MGMT: variants seen among roughly 807,000 people sequenced by gnomAD.
MGMT encodes the protein O-6-methylguanine-DNA methyltransferase, also known as methylated-DNA--protein-cysteine methyltransferase.
A neutral mutation model predicts 15.9 loss-of-function variants in MGMT; 14 were observed. The ratio of observed to expected loss-of-function variants is 0.88; its 90% CI spans 0.58 to 1.37. The LOEUF (loss-of-function observed/expected upper bound fraction) is 1.37. Among genes scored for constraint, MGMT ranks in the 40% most tolerant of loss-of-function variants. The pLI, the probability that MGMT is intolerant of heterozygous loss-of-function variation, is 0.00. For missense variants in MGMT, 282 were observed against 268.1 expected (o/e 1.05, Z -0.36); for synonymous variants, 130 against 118.2 (o/e 1.10, Z -0.65).
chr10:129,722,311 GATT>G (rs1260720902), intron 3 of MGMT, among the ~76,000 whole-genome samples: 1 of 152,116 alleles, frequency 6.6e-6, no homozygotes, highest in African/African-American at 2.4e-5. Context: ...CATTATTAAA[GATT>G]ATTATTTAAA....
chr10:129,594,651 G>A (rs780974680), intron 2 of MGMT, among the ~76,000 whole-genome samples: 6 of 152,278 alleles, frequency 3.9e-5, no homozygotes, highest in East Asian at 1.9e-4. Context: ...CAGCTCCAGC[G>A]CGTGAAAGAC....
chr10:129,710,531 A>G (rs978666189), intron 3 of MGMT, among the ~76,000 whole-genome samples: 4 of 152,124 alleles, frequency 2.6e-5, no homozygotes, highest in Non-Finnish European at 5.9e-5. Context: ...ATTTAGCTCA[A>G]TCGTTTACTC....
In MGMT at chr10:129,502,785, A is replaced by ATT. The variant is rs60631849; in HGVS notation, c.-12-33448_-12-33447dup. Reference sequence around the variant, plus strand: ...ATTCTTTTCCTTAAAATCAAGTTACATTTTTTTTTGAGCAATAAACTTTAG... The same window carrying ATT: ...ATTCTTTTCCTTAAAATCAAGTTACATTTTTTTTTTTGAGCAATAAACTTTAG... On this transcript the variant is annotated intron_variant, in intron 1 of 4. Coordinates refer to ENST00000651593, the MANE Select transcript of MGMT (RefSeq NM_002412.5). Among the ~76,000 whole-genome samples, 93 of 151,254 alleles carry ATT rather than the reference A, an allele frequency of 6.1e-4. 1 individual carries two copies. The East Asian group carries it at 0.014, about 23-fold the overall frequency.
chr10:129,597,520 A>G (rs148225310), intron 2 of MGMT, among the ~76,000 whole-genome samples: 2 of 152,308 alleles, frequency 1.3e-5, no homozygotes, highest in African/African-American at 2.4e-5. Context: ...CATGTTTAGG[A>G]AATCTTTGAG....
intron 2 of MGMT, among the ~76,000 whole-genome samples, chr10:129,586,995 A>T (rs770242903): frequency 2.0e-5 from 3 of 152,230 alleles, no homozygotes; most frequent in African/African-American, 7.2e-5. Flanking sequence ...TATTTAAAAG[A>T]TATTTTTGCT....
chr10:129,736,924 G>T (rs947932650), intron 3 of MGMT, among the ~76,000 whole-genome samples: 3 of 152,238 alleles, frequency 2.0e-5, no homozygotes, highest in Admixed American at 2.0e-4. Context: ...TCTGCCAAGA[G>T]ATCTGCTGTT....
At chr10:129,471,480 G>A (rs1845230504) in intron 1 of MGMT, among the ~76,000 whole-genome samples, 1 of 152,036 alleles carries the variant, frequency 6.6e-6, no homozygotes, top group East Asian at 1.9e-4. Context: ...GGGATATCAT[G>A]TTCAGGTGTC....
intron 2 of MGMT, among the ~76,000 whole-genome samples, chr10:129,555,602 C>G (rs937911723): frequency 6.6e-6 from 1 of 152,062 alleles, no homozygotes; most frequent in East Asian, 1.9e-4. Flanking sequence ...GCAGTGTCAG[C>G]TACTCAGGAG....
intron 1 of MGMT, among the ~76,000 whole-genome samples, chr10:129,484,571 G>A (rs574263447): frequency 1.3e-5 from 2 of 152,040 alleles, no homozygotes; most frequent in East Asian, 1.9e-4. Context: ...CTTGTTTTAC[G>A]CATCTCTACT....
intron 1 of MGMT, among the ~76,000 whole-genome samples, chr10:129,489,944 C>T (rs1845451671): frequency 6.6e-6 from 1 of 151,994 alleles, no homozygotes; most frequent in Non-Finnish European, 1.5e-5. Context: ...GCACTAGGAT[C>T]TCCAGTTCCA....
chr10:129,487,909 A>G (rs1445835523), intron 1 of MGMT, among the ~76,000 whole-genome samples: 2 of 125,374 alleles, frequency 1.6e-5, no homozygotes, highest in Non-Finnish European at 3.4e-5. Flanking sequence ...TATACCATAT[A>G]GGGGTGTGTG....
At chr10:129,503,313 G>A (rs11016816) in intron 1 of MGMT, among the ~76,000 whole-genome samples, 42,447 of 151,992 alleles carry the variant, frequency 0.28, 6,219 homozygotes, top group African/African-American at 0.32. Flanking sequence ...CTGCTTTATC[G>A]AAAATGCCAG....
At chr10:129,671,760 C>T (rs7068301) in intron 2 of MGMT, among the ~76,000 whole-genome samples, 109,969 of 152,116 alleles carry the variant, frequency 0.72, 40,668 homozygotes, top group African/African-American at 0.88. Flanking sequence ...AAATCGCTCA[C>T]GTCATTGCCG....
chr10:129,687,243 A>AT (rs1429519377), intron 2 of MGMT, among the ~76,000 whole-genome samples: 2 of 150,554 alleles, frequency 1.3e-5, no homozygotes, highest in Non-Finnish European at 3.0e-5. Context: ...CTTTTATTTC[A>AT]TTTTTCTAGA....
chr10:129,538,792 C>T (rs548987480), intron 2 of MGMT, among the ~76,000 whole-genome samples: 569 of 152,246 alleles, frequency 3.7e-3, no homozygotes, highest in Non-Finnish European at 5.1e-3. Flanking sequence ...CGCACCGCCA[C>T]ACCTGGCTAA....
chr10:129,617,146 A>G (rs992936603), intron 2 of MGMT, among the ~76,000 whole-genome samples: 2 of 152,056 alleles, frequency 1.3e-5, no homozygotes, highest in Non-Finnish European at 2.9e-5. Flanking sequence ...TCAAGTAGGC[A>G]CCGTTGTCTG....
intron 2 of MGMT, among the ~76,000 whole-genome samples, chr10:129,637,604 T>A (rs1697829176): frequency 6.6e-6 from 1 of 152,180 alleles, no homozygotes; most frequent in South Asian, 2.1e-4. Flanking sequence ...ATTCACATGT[T>A]GGAGCCCTAG....
intron 2 of MGMT, among the ~76,000 whole-genome samples, chr10:129,598,015 C>T (rs2133058943): frequency 6.6e-6 from 1 of 152,256 alleles, no homozygotes; most frequent in East Asian, 1.9e-4. Flanking sequence ...GGCTCTCGGC[C>T]CCTGGGCCTG....
intron 2 of MGMT, among the ~76,000 whole-genome samples, chr10:129,613,917 G>A (rs1846991156): frequency 6.6e-6 from 1 of 152,196 alleles, no homozygotes; most frequent in Non-Finnish European, 1.5e-5. Context: ...AATTCATGGT[G>A]GACATGCATT....
Sources: allele counts gnomAD v4.1 joint callset (sites outside exome capture counted in the v4.1 genomes callset), GRCh38; gene constraint gnomAD v4.1.1; transcripts MANE v1.5; gene names NCBI Gene and HGNC (gene_info 2026-07-23, HGNC 2026-07-21).